The following CDH18 variants were observed in gnomAD, a reference collection of about 807,000 sequenced individuals.
CDH18 encodes cadherin 18, also known as cadherin-18.
CDH18 carries 31 observed loss-of-function variants against 67.9 expected under a neutral mutation model. The observed-to-expected ratio is 0.46, with a 90% confidence interval of 0.34 to 0.62. CDH18 has a LOEUF of 0.62. Ranked by LOEUF, CDH18 falls within the 20% of genes least tolerant of loss-of-function variation. CDH18 has a pLI of 0.01. For synonymous variants in CDH18, 362 were observed against 347.2 expected (o/e 1.04, Z -0.48); for missense variants, 890 against 975.5 (o/e 0.91, Z 1.17).
intron 1 of CDH18, among the ~76,000 whole-genome samples, chr5:20,529,687 A>T (rs2126548813): frequency 6.6e-6 from 1 of 152,200 alleles, no homozygotes; most frequent in Non-Finnish European, 1.5e-5. Flanking sequence ...AAAATTCAAC[A>T]TCTCCTCATG....
At chr5:20,255,601 C>T (rs1359742631) in intron 1 of CDH18, 1 of 151,512 alleles carries the variant, frequency 6.6e-6, no homozygotes, top group Non-Finnish European at 1.5e-5. Context: ...TTAAACAAAG[C>T]TGAGTTTGGA....
intron 11 of CDH18, among the ~76,000 whole-genome samples, chr5:19,485,537 G>A (rs1004398307): frequency 6.6e-6 from 1 of 152,154 alleles, no homozygotes; most frequent in Non-Finnish European, 1.5e-5. Flanking sequence ...TTACAGGCGT[G>A]AGCCACTGCG....
At chr5:20,069,799 A>G (rs1373312304) in intron 2 of CDH18, among the ~76,000 whole-genome samples, 1 of 152,234 alleles carries the variant, frequency 6.6e-6, no homozygotes, top group East Asian at 1.9e-4. Context: ...TTGCCCATAT[A>G]CCTCTTCCCT....
chr5:20,233,143 T>C (rs2126510722), intron 2 of CDH18, among the ~76,000 whole-genome samples: 1 of 151,362 alleles, frequency 6.6e-6, no homozygotes. Flanking sequence ...CTAATTCCCC[T>C]AGCCCTGTGT....
intron 1 of CDH18, among the ~76,000 whole-genome samples, chr5:20,356,368 G>T (rs1165808261): frequency 6.6e-6 from 1 of 152,182 alleles, no homozygotes; most frequent in East Asian, 1.9e-4. Flanking sequence ...GGGCGAAAGA[G>T]CAAGACTCCA....
At chr5:19,828,904 G>A (rs1780719569) in intron 3 of CDH18, among the ~76,000 whole-genome samples, 1 of 152,150 alleles carries the variant, frequency 6.6e-6, no homozygotes, top group Non-Finnish European at 1.5e-5. Context: ...TGGGCGTGGT[G>A]GCATGTGCCT....
At chr5:19,569,673 C>T (rs1741033763) in intron 8 of CDH18, among the ~76,000 whole-genome samples, 1 of 152,088 alleles carries the variant, frequency 6.6e-6, no homozygotes, top group Admixed American at 6.6e-5. Flanking sequence ...GCTATAGTCA[C>T]CCTACTGATC....
At chr5:19,566,037 A>G (rs1740330262) in intron 8 of CDH18, among the ~76,000 whole-genome samples, 1 of 152,188 alleles carries the variant, frequency 6.6e-6, no homozygotes, top group Admixed American at 6.5e-5. Context: ...AAAAAATCTA[A>G]TAATCTGAAT....
rs181382682 is a variant in CDH18, at chr5:19,577,043, C to T, written c.1000-5211G>A. On this transcript the variant is annotated intron_variant, in intron 7 of 12. Coordinates refer to ENST00000382275, the MANE Select transcript of CDH18 (RefSeq NM_004934.5). ...GTTACATATGGAATCTAAAGTCAAA[C>T]TCATTTAAGTAGAAAGTAGAATGGT... Among the ~76,000 whole-genome samples the T allele has an allele frequency of 6.5e-3, 984 of 152,110 alleles. 3 individuals carry two copies. Among genetic ancestry groups the T allele is most frequent in the Middle Eastern group, 0.024 (7 of 294 alleles).
intron 10 of CDH18, among the ~76,000 whole-genome samples, chr5:19,509,245 A>T (rs1413033620): frequency 2.0e-5 from 3 of 152,094 alleles, no homozygotes; most frequent in Non-Finnish European, 4.4e-5. Context: ...AACAATGGGG[A>T]CAAAGGAACA....
intron 1 of CDH18, among the ~76,000 whole-genome samples, chr5:20,420,344 C>A (rs1418292691): frequency 6.6e-6 from 1 of 151,122 alleles, no homozygotes; most frequent in African/African-American, 2.5e-5. Flanking sequence ...GAGTTAAGGA[C>A]TTATTCTTTA....
chr5:20,039,938 A>T (rs1438905912), intron 2 of CDH18, among the ~76,000 whole-genome samples: 1 of 152,206 alleles, frequency 6.6e-6, no homozygotes, highest in South Asian at 2.1e-4. Flanking sequence ...AAATTTTTGC[A>T]ATCTATCCAT....
chr5:19,725,216 G>A (rs1195781677), intron 4 of CDH18, among the ~76,000 whole-genome samples: 3 of 151,954 alleles, frequency 2.0e-5, no homozygotes, highest in East Asian at 2.0e-4. Flanking sequence ...GTGAGCCACC[G>A]CACCCGGCCC....
intron 1 of CDH18, among the ~76,000 whole-genome samples, chr5:20,454,329 A>G (rs1750684630): frequency 6.6e-6 from 1 of 151,410 alleles, no homozygotes; most frequent in Non-Finnish European, 1.5e-5. Context: ...TTCAATTCAC[A>G]TAACTTTCAT....
At chr5:19,873,124 T>C (rs1786509976) in intron 2 of CDH18, among the ~76,000 whole-genome samples, 1 of 151,584 alleles carries the variant, frequency 6.6e-6, no homozygotes, top group Non-Finnish European at 1.5e-5. Flanking sequence ...CTAGGTACCA[T>C]GGTACCTTGT....
intron 1 of CDH18, among the ~76,000 whole-genome samples, chr5:20,324,254 G>A (rs1378107364): frequency 6.6e-6 from 1 of 151,990 alleles, no homozygotes; most frequent in Non-Finnish European, 1.5e-5. Flanking sequence ...GTAGGGGGAA[G>A]GCCGGGCGCG....
At chr5:19,643,655 G>A (rs531983422) in intron 5 of CDH18, among the ~76,000 whole-genome samples, 1 of 152,212 alleles carries the variant, frequency 6.6e-6, no homozygotes, top group Admixed American at 6.5e-5. Context: ...GTAGAATGAC[G>A]GTTACTAGTG....
intron 2 of CDH18, among the ~76,000 whole-genome samples, chr5:20,221,896 A>G (rs989080382): frequency 6.6e-6 from 1 of 152,134 alleles, no homozygotes; most frequent in South Asian, 2.1e-4. Flanking sequence ...AATCAAGTTG[A>G]AGTATTCTTT....
intron 2 of CDH18, among the ~76,000 whole-genome samples, chr5:19,964,428 A>G (rs1350987667): frequency 2.6e-5 from 4 of 151,460 alleles, no homozygotes; most frequent in African/African-American, 9.7e-5. Context: ...AGAAAAAAAA[A>G]AAAAAGAAAA....
Sources: gnomAD v4.1 joint callset for allele counts (sites outside exome capture counted in the v4.1 genomes callset) on GRCh38, gnomAD v4.1.1 for gene constraint, MANE v1.5 for transcripts, NCBI Gene and HGNC (gene_info 2026-07-23, HGNC 2026-07-21) for gene names.